The following UBE2W variants were observed in gnomAD, a reference collection of about 807,000 sequenced individuals.
UBE2W encodes the protein ubiquitin conjugating enzyme E2 W.
In UBE2W, 18 loss-of-function variants were observed where a neutral mutation model predicts 27.2. That is an observed-to-expected ratio of 0.66 (90% CI 0.46 to 0.98). UBE2W has a LOEUF of 0.98. UBE2W is among the 50% of genes least tolerant of loss of function. The probability of loss-of-function intolerance (pLI) is 0.00; values close to 1 mark genes in which losing one functional copy is unlikely to be tolerated. For missense variants in UBE2W, 90 were observed against 180.2 expected (o/e 0.50, Z 2.87); for synonymous variants, 53 against 57.2 (o/e 0.93, Z 0.33).
At chr8:73,823,407 C>A (rs1187030693) in intron 3 of UBE2W, among the ~76,000 whole-genome samples, 1 of 152,162 alleles carries the variant, frequency 6.6e-6, no homozygotes, top group East Asian at 1.9e-4. Flanking sequence ...AATCTGTAAG[C>A]TCCCAGAGTA....
chr8:73,796,772 A>G (rs1172599296), intron 5 of UBE2W: 14 of 466,886 alleles, frequency 3.0e-5, no homozygotes, highest in Non-Finnish European at 3.6e-5. Context: ...CTTTTTCTAA[A>G]TAGGATGGCC....
chr8:73,830,348 A>G, intron 2 of UBE2W, 33 bp downstream of exon 2: 2 of 1,488,480 alleles, frequency 1.3e-6, no homozygotes, highest in Admixed American at 3.6e-5. Context: ...ATTGGTAATA[A>G]AACAAAGAGC....
chr8:73,781,622 T>G (rs73689051), downstream of UBE2W, among the ~76,000 whole-genome samples: 24,226 of 140,048 alleles, frequency 0.17, 2,565 homozygotes, highest in African/African-American at 0.39. Context: ...GGTTTGGGTT[T>G]TTTTTTTTTT....
chr8:73,857,830 T>TAAATAA (rs747077475), intron 1 of UBE2W, among the ~76,000 whole-genome samples: 48 of 151,352 alleles, frequency 3.2e-4, no homozygotes, highest in Middle Eastern at 3.4e-3. Context: ...AAAATAATGA[T>TAAATAA]AAATAAAAAT....
At chr8:73,866,268 TAAAAAAAAA>T (rs10568367) in intron 1 of UBE2W, among the ~76,000 whole-genome samples, 26 of 42,308 alleles carry the variant, frequency 6.1e-4, no homozygotes, top group East Asian at 4.6e-3. Flanking sequence ...AGACTTGGTC[TAAAAAAAAA>T]AAAAAAAAAA....
Position 73,792,120 on chromosome 8 carries a change from T to C in UBE2W, c.*1982A>G, listed in dbSNP as rs937926378. On this transcript the variant is annotated 3_prime_UTR_variant, in exon 6 of 6. Transcript: ENST00000602593. Reference sequence around the variant, plus strand: ...AGAGCAGTTACGCAAAATATGAAAATACATAATTTACAGCTGCAATTTTCA... The same window carrying C: ...AGAGCAGTTACGCAAAATATGAAAACACATAATTTACAGCTGCAATTTTCA... 2.0e-6 allele frequency: 2 copies of C among 984,892 alleles called. No homozygotes were observed. The highest frequency in any genetic ancestry group is 1.8e-5 in the African/African-American group (1 of 57,132). The allele number at this position is 984,892 out of a possible 1,614,324, so 61.0% of individuals were successfully genotyped here.
chr8:73,811,207 G>A (rs1020285555), intron 3 of UBE2W, among the ~76,000 whole-genome samples: 6 of 152,032 alleles, frequency 3.9e-5, no homozygotes, highest in African/African-American at 1.4e-4. Flanking sequence ...GTGCCTAGAC[G>A]AAAAATACAA....
intron 1 of UBE2W, chr8:73,831,391 C>CA (rs1011004173): frequency 1.2e-5 from 2 of 165,932 alleles, no homozygotes; most frequent in African/African-American, 4.8e-5. Flanking sequence ...CGCCACAAGT[C>CA]AAAAAGAATA....
At chr8:73,841,594 G>C (rs1274312393) in intron 1 of UBE2W, among the ~76,000 whole-genome samples, 1 of 152,124 alleles carries the variant, frequency 6.6e-6, no homozygotes, top group Admixed American at 6.6e-5. Context: ...AGTGGTAAGA[G>C]GAGAAAAACC....
At chr8:73,796,682 C>T in intron 5 of UBE2W, 9 of 983,990 alleles carry the variant, frequency 9.1e-6, no homozygotes, top group Non-Finnish European at 1.1e-5. Context: ...GACTACGAAT[C>T]CATGATGGCT....
chr8:73,828,329 A>G (rs1809935247), intron 2 of UBE2W, among the ~76,000 whole-genome samples: 1 of 152,144 alleles, frequency 6.6e-6, no homozygotes, highest in African/African-American at 2.4e-5. Context: ...AGGTCTTCCT[A>G]AAGGATTTTT....
downstream of UBE2W, among the ~76,000 whole-genome samples, chr8:73,785,437 CT>C (rs745696125): frequency 9.9e-5 from 15 of 152,196 alleles, no homozygotes; most frequent in Admixed American, 1.3e-4. Flanking sequence ...GCCATCATGC[CT>C]AGCCCATGAC....
At chr8:73,859,623 C>G (rs532082650) in intron 1 of UBE2W, among the ~76,000 whole-genome samples, 1 of 152,162 alleles carries the variant, frequency 6.6e-6, no homozygotes, top group South Asian at 2.1e-4. Flanking sequence ...AACTGTTTAT[C>G]TTATAGGTTA....
chr8:73,861,923 A>G (rs1209138410), intron 1 of UBE2W, among the ~76,000 whole-genome samples: 1 of 152,276 alleles, frequency 6.6e-6, no homozygotes, highest in Non-Finnish European at 1.5e-5. Flanking sequence ...GGTCTTTGAC[A>G]GAACTATAAT....
At chr8:73,870,183 A>C (rs1811944388) in intron 1 of UBE2W, 1 of 1,357,454 alleles carries the variant, frequency 7.4e-7, no homozygotes, top group African/African-American at 1.5e-5. Flanking sequence ...CATTAAAAGG[A>C]TGTCAAAATG....
At chr8:73,805,873 G>A (rs1808881793) in intron 4 of UBE2W, 147 bp from the exon 5 acceptor site, 1 of 465,022 alleles carries the variant, frequency 2.2e-6, no homozygotes, top group Non-Finnish European at 3.8e-6. Flanking sequence ...AACTATAAAT[G>A]TATTCCAGGA....
At chr8:73,843,047 TATG>T (rs1263819757) in intron 1 of UBE2W, among the ~76,000 whole-genome samples, 1 of 152,088 alleles carries the variant, frequency 6.6e-6, no homozygotes, top group African/African-American at 2.4e-5. Flanking sequence ...TTGAAAACAT[TATG>T]ATGTTTTTGA....
chr8:73,822,321 C>A (rs887937668), intron 3 of UBE2W, among the ~76,000 whole-genome samples: 2 of 152,056 alleles, frequency 1.3e-5, no homozygotes, highest in Admixed American at 6.6e-5. Context: ...ACAAAGAATC[C>A]CTAAGCCTAG....
intron 3 of UBE2W, among the ~76,000 whole-genome samples, chr8:73,818,743 C>T (rs542765015): frequency 7.5e-4 from 114 of 152,270 alleles, no homozygotes; most frequent in African/African-American, 2.6e-3. Flanking sequence ...AATGAGTTCT[C>T]TTGAGATCTG....
Sources: gnomAD v4.1 joint callset for allele counts (sites outside exome capture counted in the v4.1 genomes callset) on GRCh38, gnomAD v4.1.1 for gene constraint, MANE v1.5 for transcripts, NCBI Gene and HGNC (gene_info 2026-07-23, HGNC 2026-07-21) for gene names.